Variants in EIPR1 observed in about 807,000 individuals in gnomAD.
EIPR1 encodes the protein EARP complex and GARP complex interacting protein 1.
Under a neutral mutation model 48.1 loss-of-function variants are expected in EIPR1, and 25 were observed. The ratio of observed to expected loss-of-function variants is 0.52; its 90% confidence interval spans 0.38 to 0.73. The LOEUF is 0.73. EIPR1 is among the 30% of genes least tolerant of loss of function. The pLI, the probability that EIPR1 is intolerant of heterozygous loss-of-function variation, is 0.00. For missense variants in EIPR1, 415 were observed against 506.2 expected, an observed-to-expected ratio of 0.82 and a Z score of 1.73; for synonymous variants, 204 against 201.9, an observed-to-expected ratio of 1.01 and a Z score of -0.09.
intron 3 of EIPR1, among the ~76,000 whole-genome samples, chr2:3,299,459 C>T (rs186864549): frequency 8.1e-4 from 124 of 152,222 alleles, no homozygotes; most frequent in African/African-American, 2.9e-3. Flanking sequence ...GGCCTTGTTA[C>T]GAATATCTCC....
In EIPR1 at chr2:3,291,116, G is replaced by A. The variant is rs116322636; in HGVS notation, c.260-33661C>T. 6.3e-3 allele frequency among the ~76,000 whole-genome samples: 955 copies of A among 152,308 alleles called. 6 individuals carry two copies. Among genetic ancestry groups the A allele is most frequent in the African/African-American group, 0.022 (896 of 41,562 alleles). On this transcript the variant is annotated intron_variant, in intron 3 of 8. Coordinates refer to ENST00000382125, the MANE Select transcript of EIPR1 (RefSeq NM_003310.5). The stretch of plus-strand genomic sequence containing the variant: ...AGGAACATGCCTCAGATGCGAGGCT[G>A]GATGTTAGCCCCACAGCAGCAGGGA...
intron 6 of EIPR1, among the ~76,000 whole-genome samples, chr2:3,194,957 G>A (rs967462203): frequency 1.3e-5 from 2 of 152,314 alleles, no homozygotes; most frequent in African/African-American, 2.4e-5. Flanking sequence ...TTCACAGTGC[G>A]TGCGTTCTCA....
chr2:3,289,957 C>T (rs901055742), intron 3 of EIPR1, among the ~76,000 whole-genome samples: 1 of 152,248 alleles, frequency 6.6e-6, no homozygotes, highest in Non-Finnish European at 1.5e-5. Context: ...CTGCCACGGT[C>T]GCTCACAGAA....
chr2:3,230,323 A>G (rs1296919302), intron 4 of EIPR1, among the ~76,000 whole-genome samples: 1 of 152,136 alleles, frequency 6.6e-6, no homozygotes, highest in Admixed American at 6.5e-5. Flanking sequence ...GCCTGCACAC[A>G]TGACATTTTC....
chr2:3,259,301 C>T (rs1472610209), intron 3 of EIPR1, among the ~76,000 whole-genome samples: 1 of 152,176 alleles, frequency 6.6e-6, no homozygotes, highest in Non-Finnish European at 1.5e-5. Flanking sequence ...CCCCACATCC[C>T]CAACAAGTTC....
chr2:3,257,499 T>A (rs763874617), intron 3 of EIPR1, 44 bp from the exon 4 acceptor site: 1 of 1,602,060 alleles, frequency 6.2e-7, no homozygotes. Context: ...GAGCACGGTG[T>A]GCCCCGCATT....
intron 4 of EIPR1, among the ~76,000 whole-genome samples, chr2:3,234,455 C>T (rs1014872830): frequency 1.3e-5 from 2 of 152,080 alleles, no homozygotes; most frequent in African/African-American, 2.4e-5. Flanking sequence ...GGGAGGACAT[C>T]GCATCGAGGC....
chr2:3,220,421 T>C (rs375357622), intron 4 of EIPR1, among the ~76,000 whole-genome samples: 1 of 151,650 alleles, frequency 6.6e-6, no homozygotes, highest in Non-Finnish European at 1.5e-5. Flanking sequence ...AGAGCATTTA[T>C]AGAGTCAGGT....
At chr2:3,225,727 C>T (rs879026791) in intron 4 of EIPR1, among the ~76,000 whole-genome samples, 1 of 152,138 alleles carries the variant, frequency 6.6e-6, no homozygotes, top group African/African-American at 2.4e-5. Flanking sequence ...TCGTGCTGTA[C>T]ATGAGGTGTC....
At chr2:3,225,222 A>ATGTGTGTGTGTGTGTGTG (rs61557621) in intron 4 of EIPR1, among the ~76,000 whole-genome samples, 20 of 136,928 alleles carry the variant, frequency 1.5e-4, no homozygotes, top group African/African-American at 2.5e-4. Context: ...ACACTGTGAT[A>ATGTGTGTGTGTGTGTGTG]TGTGTGTGTG....
In EIPR1 at chr2:3,367,677, T is replaced by C. The variant is rs59818892; in HGVS notation, c.42+9971A>G. Among the ~76,000 whole-genome samples the C allele has an allele frequency of 8.7e-3, 1,329 of 152,298 alleles. 126 individuals are homozygous for C. The East Asian group carries it at 0.2, about 23-fold the overall frequency. On this transcript the variant is annotated intron_variant, in intron 1 of 8. Transcript: ENST00000382125. Reference sequence around the variant, plus strand: ...GCCAATATTTAAAAAGCTATTAATGTAACTGACCAAAGAGATCAAAAGAGA... The same window carrying C: ...GCCAATATTTAAAAAGCTATTAATGCAACTGACCAAAGAGATCAAAAGAGA...
chr2:3,215,392 C>T (rs1558228587), intron 4 of EIPR1, among the ~76,000 whole-genome samples: 1 of 152,232 alleles, frequency 6.6e-6, no homozygotes, highest in East Asian at 1.9e-4. Context: ...CCACACCAGG[C>T]TCAGGGGTGA....
intron 1 of EIPR1, among the ~76,000 whole-genome samples, chr2:3,360,809 A>G (rs1044594731): frequency 6.6e-6 from 1 of 152,160 alleles, no homozygotes; most frequent in African/African-American, 2.4e-5. Flanking sequence ...GGCCAGGAGC[A>G]GATGAACCTG....
At chr2:3,197,646 G>A (rs7563563) in intron 5 of EIPR1, among the ~76,000 whole-genome samples, 131,611 of 152,242 alleles carry the variant, frequency 0.86, 57,380 homozygotes, top group Middle Eastern at 0.92. Context: ...TTCTCTGCTC[G>A]CCTAGGATTT....
chr2:3,213,441 T>G (rs1665525333), intron 5 of EIPR1, among the ~76,000 whole-genome samples: 1 of 152,180 alleles, frequency 6.6e-6, no homozygotes, highest in African/African-American at 2.4e-5. Flanking sequence ...AAGAAAGCGC[T>G]AAAAGTTATT....
chr2:3,269,356 AGTC>A (rs1558263295), intron 3 of EIPR1, among the ~76,000 whole-genome samples: 1,140 of 72,970 alleles, frequency 0.016, 345 homozygotes, highest in East Asian at 0.05. Flanking sequence ...CATCGCACTC[AGTC>A]ATCGCACTCA....
chr2:3,284,012 C>T (rs1364873122), intron 3 of EIPR1, among the ~76,000 whole-genome samples: 2 of 151,914 alleles, frequency 1.3e-5, no homozygotes, highest in Non-Finnish European at 2.9e-5. Flanking sequence ...TGAGGATGTG[C>T]GAGGGAGCGG....
rs1178611897 is a variant in EIPR1, at chr2:3,363,464, G to T, written c.43-8831C>A. 3.3e-5 allele frequency among the ~76,000 whole-genome samples: 5 copies of T among 152,196 alleles called. No homozygotes were observed. The East Asian group carries it at 7.7e-4, about 23-fold the overall frequency. Reference sequence around the variant, plus strand: ...TAATCCCAATACTGACGGAGGCCAAGGTGGGCAAATGGCTTGAGCTCAAGA... The same window carrying T: ...TAATCCCAATACTGACGGAGGCCAATGTGGGCAAATGGCTTGAGCTCAAGA... On this transcript the variant is annotated intron_variant, in intron 1 of 8. Coordinates refer to ENST00000382125, the MANE Select transcript of EIPR1 (RefSeq NM_003310.5).
intron 3 of EIPR1, among the ~76,000 whole-genome samples, chr2:3,308,508 G>GAA (rs111414436): frequency 2.6e-5 from 4 of 150,960 alleles, no homozygotes; most frequent in African/African-American, 9.7e-5. Flanking sequence ...AAAATAGACG[G>GAA]AAAAAAAAAT....
Sources: allele counts gnomAD v4.1 joint callset (sites outside exome capture counted in the v4.1 genomes callset), GRCh38; gene constraint gnomAD v4.1.1; transcripts MANE v1.5; gene names NCBI Gene and HGNC (gene_info 2026-07-23, HGNC 2026-07-21).